CSMD1: variants seen among roughly 807,000 people sequenced by gnomAD.
The protein encoded by CSMD1 is CUB and sushi domain-containing protein 1.
A neutral mutation model predicts 417.5 loss-of-function variants in CSMD1; 213 were observed. That is an observed-to-expected ratio of 0.51 (90% confidence interval 0.46 to 0.57). The LOEUF (loss-of-function observed/expected upper bound fraction) is 0.57. Among genes scored for constraint, CSMD1 ranks in the 20% least tolerant of loss-of-function variants. The pLI is 0.00. For missense variants in CSMD1, 6,923 were observed against 4,529.7 expected (o/e 1.53, Z -15.17); for synonymous variants, 2,862 against 1,736.8 (o/e 1.65, Z -16.11).
chr8:3,766,672 T>G (rs1166990264), intron 5 of CSMD1, among the ~76,000 whole-genome samples: 3 of 151,748 alleles, frequency 2.0e-5, no homozygotes, highest in Non-Finnish European at 2.9e-5. Flanking sequence ...AGAAAATAAT[T>G]TAAAAAAAAA....
chr8:4,925,352 C>G (rs1044798947), intron 1 of CSMD1, among the ~76,000 whole-genome samples: 4 of 147,326 alleles, frequency 2.7e-5, no homozygotes, highest in Admixed American at 1.4e-4. Flanking sequence ...TCACATGACT[C>G]CTGTTGAAAC....
chr8:4,089,791 C>G (rs148494024), intron 3 of CSMD1, among the ~76,000 whole-genome samples: 1 of 152,056 alleles, frequency 6.6e-6, no homozygotes, highest in Non-Finnish European at 1.5e-5. Flanking sequence ...TAATGCCACT[C>G]AGTCTACCGA....
intron 1 of CSMD1, among the ~76,000 whole-genome samples, chr8:4,767,958 G>C (rs1342134041): frequency 6.6e-6 from 1 of 152,078 alleles, no homozygotes; most frequent in Non-Finnish European, 1.5e-5. Context: ...GTACTCGAGG[G>C]CGTGGGTCAA....
At chr8:3,127,350 A>G (rs1224080733) in intron 41 of CSMD1, 2 of 152,182 alleles carry the variant, frequency 1.3e-5, no homozygotes, top group South Asian at 2.1e-4. Flanking sequence ...GTCGCTCAGA[A>G]TCCCCCGTTG....
intron 5 of CSMD1, among the ~76,000 whole-genome samples, chr8:3,843,863 G>A (rs1214323597): frequency 6.6e-6 from 1 of 152,120 alleles, no homozygotes; most frequent in Non-Finnish European, 1.5e-5. Context: ...AGTAAAGAGG[G>A]ACAGATATTG....
chr8:4,820,186 G>T (rs568538784), intron 1 of CSMD1, among the ~76,000 whole-genome samples: 272 of 152,194 alleles, frequency 1.8e-3, no homozygotes, highest in African/African-American at 6.1e-3. Context: ...CATTTAGGCA[G>T]CATCCTCTCT....
chr8:3,093,150 G>C (rs1815064170), intron 47 of CSMD1, among the ~76,000 whole-genome samples: 2 of 152,106 alleles, frequency 1.3e-5, no homozygotes, highest in South Asian at 4.1e-4. Flanking sequence ...ACTTTAAAGA[G>C]AGAGAGGGAG....
At chr8:3,281,127 C>T (rs1384947764) in intron 26 of CSMD1, among the ~76,000 whole-genome samples, 6 of 152,086 alleles carry the variant, frequency 3.9e-5, no homozygotes, top group African/African-American at 9.7e-5. Context: ...TTTGAAGCAA[C>T]CCGTATGTCC....
chr8:3,033,358 A>T (rs528460721), intron 50 of CSMD1, among the ~76,000 whole-genome samples: 6 of 152,128 alleles, frequency 3.9e-5, no homozygotes, highest in Non-Finnish European at 8.8e-5. Context: ...GCTACAGATA[A>T]AGCATTGTTG....
At chr8:4,406,564 T>C (rs564970952) in intron 3 of CSMD1, among the ~76,000 whole-genome samples, 26 of 152,192 alleles carry the variant, frequency 1.7e-4, no homozygotes, top group African/African-American at 5.3e-4. Flanking sequence ...CTGCCTTCTG[T>C]AGGCATATGA....
rs1005939962 is a variant in CSMD1, at chr8:3,660,086, A to T, written c.1010-43289T>A. ...ATGAAGTATAAAATAGAAATAAGGT[A>T]CCATCGTGATGTATGTGGCTGACAT... is the stretch of plus-strand genomic sequence containing the variant. On this transcript the variant is annotated intron_variant, in intron 7 of 69. Transcript: ENST00000635120. Among the ~76,000 whole-genome samples the T allele has an allele frequency of 3.9e-5, 6 of 152,250 alleles. No individual in the cohort carries two copies. In the East Asian group the frequency reaches 7.7e-4, roughly 20 times the overall value.
chr8:4,853,904 A>C (rs186005292), intron 1 of CSMD1, among the ~76,000 whole-genome samples: 3 of 152,282 alleles, frequency 2.0e-5, no homozygotes, highest in Admixed American at 2.0e-4. Context: ...TTTAAGATTT[A>C]ATGACAGCTC....
intron 7 of CSMD1, among the ~76,000 whole-genome samples, chr8:3,706,798 C>G (rs1801194068): frequency 6.6e-6 from 1 of 152,296 alleles, no homozygotes; most frequent in South Asian, 2.1e-4. Flanking sequence ...ATATCTCCCT[C>G]TACAGAACAT....
At chr8:4,453,747 G>T (rs145741451) in intron 2 of CSMD1, among the ~76,000 whole-genome samples, 1 of 151,000 alleles carries the variant, frequency 6.6e-6, no homozygotes, top group Non-Finnish European at 1.5e-5. Context: ...ACGTAATTCC[G>T]GGTCCCCATT....
chr8:3,269,940 C>T (rs890465827), intron 26 of CSMD1, among the ~76,000 whole-genome samples: 3 of 151,808 alleles, frequency 2.0e-5, no homozygotes, highest in Non-Finnish European at 4.4e-5. Context: ...TGAAGGTAAA[C>T]GCACATAAAG....
intron 1 of CSMD1, among the ~76,000 whole-genome samples, chr8:4,851,967 GT>G (rs1345842047): frequency 6.6e-6 from 1 of 152,242 alleles, no homozygotes; most frequent in South Asian, 2.1e-4. Flanking sequence ...ACTAGTCTAA[GT>G]TTTTTCCCTA....
At chr8:3,303,326 T>G (rs941914881) in intron 25 of CSMD1, among the ~76,000 whole-genome samples, 4 of 152,128 alleles carry the variant, frequency 2.6e-5, no homozygotes, top group Non-Finnish European at 4.4e-5. Context: ...TTCCTAGATC[T>G]CCAGTGCAAT....
intron 1 of CSMD1, among the ~76,000 whole-genome samples, chr8:4,801,461 C>CT (rs35128095): frequency 0.33 from 49,971 of 149,920 alleles, 9,286 homozygotes; most frequent in East Asian, 0.44. Flanking sequence ...CCTCAGATGG[C>CT]TTTTTTTTTT....
chr8:4,444,294 C>G (rs1180454984), intron 2 of CSMD1, among the ~76,000 whole-genome samples: 2 of 127,190 alleles, frequency 1.6e-5, no homozygotes, highest in South Asian at 2.7e-4. Context: ...TTGCAGTGAA[C>G]TGAGATCTCG....
Sources: allele counts gnomAD v4.1 joint callset (sites outside exome capture counted in the v4.1 genomes callset), GRCh38; gene constraint gnomAD v4.1.1; transcripts MANE v1.5; gene names NCBI Gene and HGNC (gene_info 2026-07-23, HGNC 2026-07-21).